The following SYNPR variants were observed in gnomAD, a reference collection of about 807,000 sequenced individuals.
The protein encoded by SYNPR is synaptoporin.
SYNPR carries 23 observed loss-of-function variants against 32.9 expected under a neutral mutation model. The observed-to-expected ratio is 0.70, with a 90% confidence interval of 0.50 to 0.99. The LOEUF is 0.99. SYNPR is among the 50% of genes least tolerant of loss of function. SYNPR has a pLI of 0.00. For missense variants in SYNPR, 318 were observed against 349.3 expected (o/e 0.91, Z 0.71); for synonymous variants, 146 against 135.9 (o/e 1.07, Z -0.52).
At chr3:63,337,957 T>C (rs2087316706) in intron 2 of SYNPR, among the ~76,000 whole-genome samples, 1 of 152,198 alleles carries the variant, frequency 6.6e-6, no homozygotes, top group South Asian at 2.1e-4. Context: ...ACATTATACA[T>C]TTGACAAATG....
chr3:63,547,357 T>C (rs1362742238), intron 3 of SYNPR, among the ~76,000 whole-genome samples: 1 of 152,108 alleles, frequency 6.6e-6, no homozygotes, highest in Admixed American at 6.6e-5. Context: ...GTGCATATTT[T>C]CCAGGCCTGT....
intron 3 of SYNPR, among the ~76,000 whole-genome samples, chr3:63,500,990 C>T (rs940587807): frequency 6.6e-6 from 1 of 152,032 alleles, no homozygotes; most frequent in South Asian, 2.1e-4. Flanking sequence ...CCCTATTTTG[C>T]AAGTTTTCTG....
chr3:63,471,738 G>A (rs1436610088), intron 2 of SYNPR, among the ~76,000 whole-genome samples: 1 of 152,140 alleles, frequency 6.6e-6, no homozygotes, highest in Non-Finnish European at 1.5e-5. Context: ...GCCCTTTGGG[G>A]GTGTTGAGGA....
intron 5 of SYNPR, among the ~76,000 whole-genome samples, chr3:63,610,028 A>G (rs1470324136): frequency 1.3e-5 from 2 of 152,224 alleles, no homozygotes; most frequent in African/African-American, 4.8e-5. Context: ...ATGTAGCTGG[A>G]ATACACCCAA....
At chr3:63,260,210 G>A (rs2106899148) in intron 2 of SYNPR, among the ~76,000 whole-genome samples, 1 of 152,184 alleles carries the variant, frequency 6.6e-6, no homozygotes, top group African/African-American at 2.4e-5. Context: ...CACAGAATTG[G>A]AAAAAACTAC....
At position 63,524,939 on chromosome 3, in the gene SYNPR, G is replaced by A. The variant is rs145204979; in HGVS notation, c.210-31604G>A. Among the ~76,000 whole-genome samples the A allele has an allele frequency of 2.0e-3, 310 of 151,636 alleles. 1 individual carries two copies. Among genetic ancestry groups the A allele is most frequent in the Middle Eastern group, 3.4e-3 (1 of 292 alleles). ...AATTGAATGTGTCACTGACGTAGGA[G>A]ACAAGACAGGTAACTTTAGGGTCTT... On this transcript the variant is annotated intron_variant, in intron 3 of 5. Transcript: ENST00000478300.
chr3:63,202,148 C>T, the SYNPR span, among the ~76,000 whole-genome samples: 4 of 152,008 alleles, frequency 2.6e-5, no homozygotes, highest in Admixed American at 6.6e-5. Context: ...GGTTTTGGCC[C>T]GTTCTCTTTG....
intron 3 of SYNPR, among the ~76,000 whole-genome samples, chr3:63,268,406 A>G (rs766908562): frequency 6.6e-6 from 1 of 152,194 alleles, no homozygotes; most frequent in South Asian, 2.1e-4. Context: ...ACCAAAACTC[A>G]TGTATGACTT....
At chr3:63,565,694 C>A (rs921475072) in intron 4 of SYNPR, among the ~76,000 whole-genome samples, 13 of 152,166 alleles carry the variant, frequency 8.5e-5, no homozygotes, top group African/African-American at 2.9e-4. Flanking sequence ...GAGGACACAG[C>A]ATTCCTCCCT....
intron 2 of SYNPR, among the ~76,000 whole-genome samples, chr3:63,404,315 A>G (rs953921710): frequency 6.6e-5 from 10 of 152,250 alleles, no homozygotes; most frequent in Non-Finnish European, 1.0e-4. Context: ...CCTGTTACTA[A>G]GGAAATTACA....
At chr3:63,337,966 T>G (rs1169509881) in intron 2 of SYNPR, among the ~76,000 whole-genome samples, 1 of 151,654 alleles carries the variant, frequency 6.6e-6, no homozygotes, top group African/African-American at 2.4e-5. Context: ...ATTTGACAAA[T>G]GAACCATGCA....
chr3:63,481,136 A>G (rs1267640303), intron 3 of SYNPR, among the ~76,000 whole-genome samples, 180 bp downstream of exon 3: 1 of 152,012 alleles, frequency 6.6e-6, no homozygotes, highest in Non-Finnish European at 1.5e-5. Context: ...CACTGGGAGG[A>G]TTTATGAGTT....
intron 2 of SYNPR, among the ~76,000 whole-genome samples, chr3:63,321,870 C>A (rs902201671): frequency 1.3e-5 from 2 of 152,068 alleles, no homozygotes; most frequent in Non-Finnish European, 2.9e-5. Context: ...CCCAATGGGC[C>A]TTCTGAGGTT....
At chr3:63,554,807 A>T (rs1287580502) in intron 3 of SYNPR, among the ~76,000 whole-genome samples, 1 of 152,126 alleles carries the variant, frequency 6.6e-6, no homozygotes, top group Non-Finnish European at 1.5e-5. Context: ...TCTGGGCAAT[A>T]GGGCTATTTT....
At chr3:63,429,160 A>T (rs1236381046) in intron 2 of SYNPR, among the ~76,000 whole-genome samples, 3 of 152,178 alleles carry the variant, frequency 2.0e-5, no homozygotes, top group Non-Finnish European at 2.9e-5. Context: ...CCGGTGTAAC[A>T]AACAATGTTT....
chr3:63,226,654 A>G (rs994375387), upstream of SYNPR, among the ~76,000 whole-genome samples: 2 of 152,154 alleles, frequency 1.3e-5, no homozygotes, highest in African/African-American at 4.8e-5. Context: ...AAAAAACTTG[A>G]TCTCATGGAG....
At chr3:63,451,678 G>T (rs765896597) in intron 2 of SYNPR, among the ~76,000 whole-genome samples, 1 of 152,088 alleles carries the variant, frequency 6.6e-6, no homozygotes. Flanking sequence ...CTCTCCACAT[G>T]ATCCTGGAAG....
intron 2 of SYNPR, among the ~76,000 whole-genome samples, chr3:63,439,124 T>C (rs1237127618): frequency 2.6e-5 from 4 of 152,190 alleles, no homozygotes; most frequent in African/African-American, 9.7e-5. Flanking sequence ...GAGAAGCTTT[T>C]CCATTCAGAG....
the SYNPR span, among the ~76,000 whole-genome samples, chr3:63,220,293 A>T: frequency 6.6e-6 from 1 of 152,224 alleles, no homozygotes; most frequent in East Asian, 1.9e-4. Context: ...GCAGATAGTG[A>T]TATCAGGACT....
Sources: gnomAD v4.1 joint callset for allele counts (sites outside exome capture counted in the v4.1 genomes callset) on GRCh38, gnomAD v4.1.1 for gene constraint, MANE v1.5 for transcripts, NCBI Gene and HGNC (gene_info 2026-07-23, HGNC 2026-07-21) for gene names.